GIGYF2: variants seen among roughly 807,000 people sequenced by gnomAD.
The protein encoded by GIGYF2 is GRB10 interacting GYF protein 2, also known as GRB10-interacting GYF protein 2.
In GIGYF2, 25 loss-of-function variants were observed where a neutral mutation model predicts 208.1. That is an observed-to-expected ratio of 0.12 (90% CI 0.09 to 0.17). GIGYF2 has a LOEUF of 0.17. Among genes scored for constraint, GIGYF2 ranks in the 10% least tolerant of loss-of-function variants. The probability of loss-of-function intolerance (pLI) is 1.00; values close to 1 mark genes in which losing one functional copy is unlikely to be tolerated. For synonymous variants in GIGYF2, 534 were observed against 543.8 expected, an observed-to-expected ratio of 0.98 and a Z score of 0.25; for missense variants, 1,302 against 1,579.4, an observed-to-expected ratio of 0.82 and a Z score of 2.98.
intron 2 of GIGYF2, among the ~76,000 whole-genome samples, chr2:232,731,673 G>GT (rs763794357): frequency 3.9e-5 from 6 of 152,194 alleles, no homozygotes; most frequent in Non-Finnish European, 8.8e-5. Flanking sequence ...GCCTGTTTTA[G>GT]TTTAACAGTG....
At chr2:232,775,094 A>T (rs1317017919) in intron 8 of GIGYF2, among the ~76,000 whole-genome samples, 1 of 151,280 alleles carries the variant, frequency 6.6e-6, no homozygotes, top group Non-Finnish European at 1.5e-5. Context: ...AGACTGCTGG[A>T]TTTGGTTTGG....
At chr2:232,734,980 T>G (rs1697672954) in intron 2 of GIGYF2, among the ~76,000 whole-genome samples, 175 bp from the exon 3 acceptor site, 2 of 152,180 alleles carry the variant, frequency 1.3e-5, no homozygotes, top group Non-Finnish European at 2.9e-5. Context: ...AAGGGTTGAT[T>G]TATTCATTTC....
At position 232,799,939 on chromosome 2, in the gene GIGYF2, A is replaced by G. The variant is rs151165112; in HGVS notation, c.1639+3718A>G. ...GTATACCTTCTTTGGTGAAATGTCT[A>G]TTCAAGTCCTTTGCCTTTTTTTTTT... On this transcript the variant is annotated intron_variant, in intron 14 of 28. Coordinates refer to ENST00000373563, the MANE Select transcript of GIGYF2 (RefSeq NM_001103146.3). Among the ~76,000 whole-genome samples, 1,093 of 148,948 alleles carry G rather than the reference A, an allele frequency of 7.3e-3. 15 individuals carry two copies. The highest frequency in any genetic ancestry group is 0.025 in the African/African-American group (1,004 of 40,696).
At chr2:232,753,209 C>A (rs191327900) in intron 5 of GIGYF2, among the ~76,000 whole-genome samples, 1 of 151,646 alleles carries the variant, frequency 6.6e-6, no homozygotes, top group African/African-American at 2.4e-5. Context: ...CTGCAACCTC[C>A]GCTTCTCGGG....
At position 232,784,386 on chromosome 2, in the gene GIGYF2, C is replaced by CTTTTT. The variant is rs10645449; in HGVS notation, c.533-2747_533-2743dup. On this transcript the variant is annotated intron_variant, in intron 8 of 28. Coordinates refer to ENST00000373563, the MANE Select transcript of GIGYF2 (RefSeq NM_001103146.3). ...TCTAGCTACTTACACGAAATAATTT[C>CTTTTT]TTTTTTTTTTTTTTTTTTTTTGAGA... is the stretch of plus-strand genomic sequence containing the variant. Among the ~76,000 whole-genome samples the CTTTTT allele has an allele frequency of 7.7e-3, 708 of 92,252 alleles. 39 individuals are homozygous for CTTTTT. Among genetic ancestry groups the CTTTTT allele is most frequent in the Admixed American group, 0.014 (85 of 6,200 alleles). 60.5% of individuals were successfully genotyped at this position (92,252 alleles called of 152,430 possible).
rs777151091 is a variant in GIGYF2, at chr2:232,771,459, G to A, written c.532+10023G>A. ...AATTTGGAGAGCTCATGGACTTTCT[G>A]CTTTCTTGGGAATGCTTCTCTAACC... On this transcript the variant is annotated intron_variant, in intron 8 of 28. Transcript: ENST00000373563. The A allele has an allele frequency of 1.7e-4, 153 of 883,924 alleles. No individual in the cohort carries two copies. The Middle Eastern group carries it at 2.0e-3, about 11-fold the overall frequency. The allele number at this position is 883,924 out of a possible 1,614,324, so 54.8% of individuals were successfully genotyped here. A position where few individuals can be genotyped will look rare whatever the true frequency, so the allele number is the denominator to read the frequency against.
Position 232,806,868 on chromosome 2 carries a change from C to A in GIGYF2, c.1806+211C>A, listed in dbSNP as rs1004439244. Among the ~76,000 whole-genome samples the A allele has an allele frequency of 2.0e-5, 3 of 152,172 alleles. No individual in the cohort carries two copies. Among genetic ancestry groups the A allele is most frequent in the African/African-American group, 7.2e-5 (3 of 41,440 alleles). On this transcript the variant is annotated intron_variant, in intron 15 of 28. Coordinates refer to ENST00000373563, the MANE Select transcript of GIGYF2 (RefSeq NM_001103146.3). This position sits in a 1 kb window ranked among gnomAD's most constrained non-coding sequence, Gnocchi z 4.0. Reference sequence around the variant, plus strand: ...ATAACCTGTGCCCATCCTCTTCACACCCCAGCTCCTCCCCAACAGGGAAAC... The same window carrying A: ...ATAACCTGTGCCCATCCTCTTCACAACCCAGCTCCTCCCCAACAGGGAAAC...
intron 8 of GIGYF2, among the ~76,000 whole-genome samples, chr2:232,775,985 A>C (rs1699495224): frequency 6.6e-6 from 1 of 152,198 alleles, no homozygotes; most frequent in Admixed American, 6.5e-5. Context: ...TAATTTCCGC[A>C]ATAATTCCAT....
intron 28 of GIGYF2, 104 bp from the exon 29 acceptor site, chr2:232,856,689 C>T: frequency 4.9e-6 from 4 of 817,910 alleles, no homozygotes; most frequent in Non-Finnish European, 8.8e-6. Flanking sequence ...GAAACCCTGT[C>T]TCACAAACAA....
rs114690108 is a variant in GIGYF2, at chr2:232,830,232, T to C, written c.2530-2625T>C. Among the ~76,000 whole-genome samples the C allele has an allele frequency of 9.6e-3, 1,467 of 152,254 alleles. 26 individuals carry two copies. Among genetic ancestry groups the C allele is most frequent in the African/African-American group, 0.033 (1,367 of 41,544 alleles). ...TCCTGACCTCATGTGATCCTCTCAC[T>C]TCAGCTTCCTTAGTAGTTGGGATTA... On this transcript the variant is annotated intron_variant, in intron 21 of 28. Transcript: ENST00000373563.
chr2:232,764,490 C>A, intron 8 of GIGYF2: 1 of 152,656 alleles, frequency 6.6e-6, no homozygotes, highest in Non-Finnish European at 1.5e-5. Flanking sequence ...GCGATGGGAA[C>A]TGTGTGAAGG....
At chr2:232,720,061 A>G (rs1010926520) in intron 2 of GIGYF2, among the ~76,000 whole-genome samples, 1 of 152,218 alleles carries the variant, frequency 6.6e-6, no homozygotes, top group Non-Finnish European at 1.5e-5. Flanking sequence ...TGTCATTTAC[A>G]TTAGGTATTT....
chr2:232,725,081 G>A (rs1360468756), intron 2 of GIGYF2, among the ~76,000 whole-genome samples: 3 of 151,898 alleles, frequency 2.0e-5, no homozygotes, highest in Non-Finnish European at 2.9e-5. Flanking sequence ...TTAATATGTT[G>A]TTGGTAACCT....
intron 1 of GIGYF2, among the ~76,000 whole-genome samples, chr2:232,697,825 A>G (rs1021464737): frequency 2.6e-5 from 4 of 152,176 alleles, no homozygotes; most frequent in Non-Finnish European, 5.9e-5. Flanking sequence ...GTGGCCCGGT[A>G]ACAGCTGCTG....
intron 2 of GIGYF2, among the ~76,000 whole-genome samples, chr2:232,725,218 C>T (rs1426174619): frequency 2.6e-5 from 4 of 152,132 alleles, no homozygotes; most frequent in Non-Finnish European, 5.9e-5. Flanking sequence ...AACTTTCCTG[C>T]CCAAGTCTTT....
At chr2:232,699,536 C>G (rs368865959) in intron 1 of GIGYF2, among the ~76,000 whole-genome samples, 4 of 152,100 alleles carry the variant, frequency 2.6e-5, no homozygotes, top group African/African-American at 9.7e-5. Context: ...TTAGGATGCT[C>G]AGTATTTCAG....
intron 8 of GIGYF2, among the ~76,000 whole-genome samples, chr2:232,779,771 T>C (rs980180201): frequency 1.3e-5 from 2 of 152,210 alleles, no homozygotes; most frequent in Non-Finnish European, 2.9e-5. Flanking sequence ...GTTAACCAGC[T>C]GAGCAGGTTA....
Position 232,811,367 on chromosome 2 carries a change from A to G in GIGYF2, c.2006+16A>G. ...TGAAGATGAGGTTGGTGGTCATTCC[A>G]TTATGTGTCATATGGGGTGCATGTG... On this transcript the variant is annotated intron_variant, in intron 17 of 28. Transcript: ENST00000373563. The G allele has an allele frequency of 7.7e-7, 1 of 1,307,108 alleles. No individual in the cohort carries two copies. The highest frequency in any genetic ancestry group is 1.1e-6 in the Non-Finnish European group (1 of 899,250). 81.0% of individuals were successfully genotyped at this position (1,307,108 alleles called of 1,614,324 possible). A position where few individuals can be genotyped will look rare whatever the true frequency, so the allele number is the denominator to read the frequency against.
chr2:232,775,052 C>T (rs1699453906), intron 8 of GIGYF2, among the ~76,000 whole-genome samples: 1 of 151,770 alleles, frequency 6.6e-6, no homozygotes, highest in Non-Finnish European at 1.5e-5. Flanking sequence ...ATAATCGGAA[C>T]AGTTAAGCAG....
Sources: allele counts gnomAD v4.1 joint callset (sites outside exome capture counted in the v4.1 genomes callset), GRCh38; gene constraint gnomAD v4.1.1; non-coding constraint Gnocchi (gnomAD v3.1); transcripts MANE v1.5; gene names NCBI Gene and HGNC (gene_info 2026-07-23, HGNC 2026-07-21).